The following MSANTD7 variants were observed in gnomAD, a reference collection of about 807,000 sequenced individuals.
MSANTD7 encodes the protein zinc finger and SCAN domain containing 29.
At chr10:14,843,410 G>A in the MSANTD7 span, 1 of 1,550,918 alleles carries the variant, frequency 6.4e-7, no homozygotes, top group Non-Finnish European at 8.7e-7. Context: ...AGCTCCCACA[G>A]CCTTTTCAGA....
the MSANTD7 span, chr10:14,842,951 T>C: frequency 1.2e-6 from 1 of 850,990 alleles, no homozygotes; most frequent in Non-Finnish European, 1.8e-6. The surrounding 1 kb of genome is among the most constrained non-coding windows in gnomAD (Gnocchi z 5.2). Context: ...TTCCTGTTTC[T>C]GCCTCATTCT....
At chr10:14,843,276 C>A in the MSANTD7 span, 98 of 1,456,284 alleles carry the variant, frequency 6.7e-5, 1 homozygote, top group South Asian at 1.2e-3. Flanking sequence ...CCAGGAACAA[C>A]CATAGTTTTA....
the MSANTD7 span, chr10:14,838,515 G>T: frequency 6.6e-6 from 10 of 1,505,758 alleles, no homozygotes; most frequent in Non-Finnish European, 7.2e-6. Flanking sequence ...GTTTTCTGGC[G>T]CTGGGTCATC....
the MSANTD7 span, chr10:14,845,598 A>ATTTTT: frequency 1.4e-6 from 1 of 704,602 alleles, no homozygotes; most frequent in African/African-American, 2.0e-5. Context: ...TATTATTATT[A>ATTTTT]TTTTTTTTTT....
chr10:14,838,575 C>A, the MSANTD7 span: 2 of 1,042,092 alleles, frequency 1.9e-6, no homozygotes, highest in Non-Finnish European at 1.4e-6. Context: ...CGTGGAGTGG[C>A]GTTGCCGCGA....
chr10:14,845,910 A>ATT, the MSANTD7 span: 1 of 561,772 alleles, frequency 1.8e-6, no homozygotes, highest in Non-Finnish European at 2.3e-6. Flanking sequence ...TTTGTATTAG[A>ATT]TTTTTTTTTT....
the MSANTD7 span, chr10:14,840,142 A>G: frequency 6.8e-7 from 1 of 1,461,514 alleles, no homozygotes; most frequent in Non-Finnish European, 9.2e-7. Context: ...AAAGTAAAGC[A>G]GATCCTGGGC....
the MSANTD7 span, chr10:14,840,079 T>C: frequency 7.2e-7 from 1 of 1,396,350 alleles, no homozygotes; most frequent in Non-Finnish European, 9.6e-7. Flanking sequence ...TTTCAGATTG[T>C]TGGATTGGCA....
chr10:14,844,817 A>G, the MSANTD7 span: 4 of 985,314 alleles, frequency 4.1e-6, no homozygotes, highest in Non-Finnish European at 4.8e-6. Context: ...AACATTGTGG[A>G]AACAATTCAG....
At chr10:14,846,918 C>G in the MSANTD7 span, 2 of 985,168 alleles carry the variant, frequency 2.0e-6, no homozygotes, top group African/African-American at 3.5e-5. Flanking sequence ...AAATAAGGTG[C>G]TATGTATACC....
chr10:14,844,252 T>G, the MSANTD7 span: 3 of 1,093,292 alleles, frequency 2.7e-6, no homozygotes, highest in Non-Finnish European at 3.4e-6. Context: ...AGGGTTGTTG[T>G]GAGGATCACG....
chr10:14,843,879 G>A, the MSANTD7 span: 751 of 1,536,314 alleles, frequency 4.9e-4, 16 homozygotes, highest in East Asian at 8.0e-3. Context: ...GGTTGATTTC[G>A]AATACCAAAA....
chr10:14,838,307 T>C, the MSANTD7 span: 41 of 1,289,214 alleles, frequency 3.2e-5, no homozygotes, highest in African/African-American at 2.8e-4. Context: ...GGCGGGAACG[T>C]GAAGCTCCGC....
chr10:14,840,099 A>G, the MSANTD7 span: 1 of 1,462,486 alleles, frequency 6.8e-7, no homozygotes, highest in South Asian at 1.6e-5. Flanking sequence ...AGCAAAACAA[A>G]GTAGAATAAG....
At chr10:14,842,337 G>A in the MSANTD7 span, 147 of 1,535,902 alleles carry the variant, frequency 9.6e-5, no homozygotes, top group Non-Finnish European at 1.2e-4. The surrounding 1 kb of genome is among the most constrained non-coding windows in gnomAD (Gnocchi z 5.2). Context: ...CAGGAGACAC[G>A]AACTCTTCTC....
the MSANTD7 span, chr10:14,838,318 G>A: frequency 2.9e-6 from 4 of 1,361,538 alleles, no homozygotes; most frequent in African/African-American, 2.9e-5. Flanking sequence ...GAAGCTCCGC[G>A]GTGCCTGATG....
chr10:14,845,590 T>C, the MSANTD7 span: 2 of 936,152 alleles, frequency 2.1e-6, no homozygotes, highest in African/African-American at 3.6e-5. Context: ...CCCTTTTCTA[T>C]TATTATTATT....
At chr10:14,842,544 C>T in the MSANTD7 span, 1 of 1,536,134 alleles carries the variant, frequency 6.5e-7, no homozygotes, top group African/African-American at 1.4e-5. This position sits in a 1 kb window ranked among gnomAD's most constrained non-coding sequence, Gnocchi z 5.2. Context: ...ATGGGTGAGC[C>T]ACCACACTGT....
chr10:14,839,812 C>T, the MSANTD7 span: 1 of 825,312 alleles, frequency 1.2e-6, no homozygotes, highest in East Asian at 2.8e-5. Flanking sequence ...AGCAGTTTTT[C>T]TTTCCACACA....
Sources: allele counts gnomAD v4.1 joint callset, GRCh38; gene constraint gnomAD v4.1.1; non-coding constraint Gnocchi (gnomAD v3.1); transcripts MANE v1.5; gene names NCBI Gene and HGNC (gene_info 2026-07-23, HGNC 2026-07-21).